THSD7B: variants seen among roughly 807,000 people sequenced by gnomAD.
The protein encoded by THSD7B is thrombospondin type-1 domain-containing protein 7B.
THSD7B carries 138 observed loss-of-function variants against 213.6 expected under a neutral mutation model. The observed-to-expected ratio is 0.65, with a 90% CI of 0.56 to 0.74. The LOEUF (loss-of-function observed/expected upper bound fraction) is 0.74, where lower values mean the gene tolerates loss of function less well. THSD7B is among the 30% of genes least tolerant of loss of function. The pLI is 0.00. For synonymous variants in THSD7B, 742 were observed against 687.0 expected (o/e 1.08, Z -1.25); for missense variants, 1,931 against 1,991.5 (o/e 0.97, Z 0.58).
At chr2:137,646,073 G>C (rs943504385) in intron 21 of THSD7B, among the ~76,000 whole-genome samples, 6 of 152,086 alleles carry the variant, frequency 3.9e-5, no homozygotes, top group Non-Finnish European at 7.4e-5. Context: ...GAAATTATTA[G>C]AGCAATTATG....
At chr2:136,771,606 A>G (rs1681506721) in intron 1 of THSD7B, among the ~76,000 whole-genome samples, 1 of 152,138 alleles carries the variant, frequency 6.6e-6, no homozygotes, top group Non-Finnish European at 1.5e-5. Context: ...CTATTAGTCA[A>G]AATCCAGTTC....
At position 137,623,089 on chromosome 2, in the gene THSD7B, G is replaced by T. The variant is rs551464060; in HGVS notation, c.3799+2363G>T. Among the ~76,000 whole-genome samples the T allele has an allele frequency of 7.2e-5, 11 of 152,258 alleles. No homozygotes were observed. In the South Asian group the frequency reaches 2.1e-3, roughly 29 times the overall value. ...ATGCAAAAATCCTCAATAAAATACT[G>T]GCAAACCGAATCCAGCAGCACATCA... On this transcript the variant is annotated intron_variant, in intron 20 of 27. Transcript: ENST00000409968.
At chr2:137,376,814 C>G (rs1685667440) in intron 12 of THSD7B, among the ~76,000 whole-genome samples, 1 of 152,124 alleles carries the variant, frequency 6.6e-6, no homozygotes, top group Admixed American at 6.6e-5. Flanking sequence ...GCATAAAACA[C>G]AGAATTCTGA....
chr2:137,071,216 T>G (rs920145729), intron 3 of THSD7B, among the ~76,000 whole-genome samples: 6 of 152,166 alleles, frequency 3.9e-5, no homozygotes, highest in Non-Finnish European at 7.4e-5. Context: ...ACATCCTCTC[T>G]AGCACCTATG....
intron 15 of THSD7B, among the ~76,000 whole-genome samples, chr2:137,518,990 G>C (rs535953980): frequency 6.6e-6 from 1 of 152,210 alleles, no homozygotes; most frequent in Non-Finnish European, 1.5e-5. Flanking sequence ...GCTCACGCCT[G>C]TAATCCCAGC....
intron 3 of THSD7B, among the ~76,000 whole-genome samples, chr2:137,087,533 AG>A (rs1687862739): frequency 6.6e-6 from 1 of 152,230 alleles, no homozygotes; most frequent in Non-Finnish European, 1.5e-5. Context: ...AATCAAATCA[AG>A]AACTGAACTC....
intron 1 of THSD7B, among the ~76,000 whole-genome samples, chr2:136,781,213 T>C (rs928382123): frequency 6.6e-6 from 1 of 151,922 alleles, no homozygotes; most frequent in African/African-American, 2.4e-5. Flanking sequence ...CAAATTAATT[T>C]GTATTTTATC....
chr2:137,569,321 A>T (rs956985708), intron 16 of THSD7B, among the ~76,000 whole-genome samples: 8 of 152,202 alleles, frequency 5.3e-5, no homozygotes, highest in African/African-American at 1.9e-4. Flanking sequence ...TTAAGCCACT[A>T]ACTTTGTGGT....
At position 137,232,925 on chromosome 2, in the gene THSD7B, G is replaced by A; in HGVS notation, c.1942G>A (p.Ala648Thr). The A allele has an allele frequency of 6.2e-7, 1 of 1,613,898 alleles. No homozygotes were observed. The highest frequency in any genetic ancestry group is 2.2e-5 in the East Asian group (1 of 44,872). Residue 648 changes from alanine to threonine, a missense_variant, in exon 9 of 28, where the codon GCT becomes ACT. Physicochemically the swap from Ala to Thr is moderately conservative, Grantham distance 58. Transcript: ENST00000409968. Reference protein sequence around the residue: ...EGGKPCPPSQALQEHRLCNDH... With the variant: ...EGGKPCPPSQTLQEHRLCNDH... The stretch of plus-strand genomic sequence containing the variant: ...TGGAAAGCCATGTCCCCCTAGTCAG[G>A]CTCTCCAAGAGCATCGTTTGTGTAA...
chr2:136,879,594 G>A (rs920927653), intron 1 of THSD7B, among the ~76,000 whole-genome samples: 5 of 152,024 alleles, frequency 3.3e-5, no homozygotes, highest in Non-Finnish European at 5.9e-5. Context: ...TTATTTCGTT[G>A]AGCAGTGGTT....
intron 15 of THSD7B, among the ~76,000 whole-genome samples, chr2:137,461,659 C>G (rs1687888264): frequency 6.6e-6 from 1 of 152,094 alleles, no homozygotes; most frequent in Admixed American, 6.6e-5. Context: ...TGATAAGCCT[C>G]AAACATTTTC....
chr2:137,291,883 G>A (rs916056056), intron 12 of THSD7B, among the ~76,000 whole-genome samples: 2 of 152,110 alleles, frequency 1.3e-5, no homozygotes, highest in African/African-American at 4.8e-5. Flanking sequence ...TCCCTTAACT[G>A]TAGCAGAGTG....
chr2:137,198,752 T>C (rs1680817234), intron 7 of THSD7B, among the ~76,000 whole-genome samples: 1 of 152,212 alleles, frequency 6.6e-6, no homozygotes, highest in African/African-American at 2.4e-5. Flanking sequence ...TATCTCTGAA[T>C]ACAAACTTTT....
At chr2:137,214,231 T>C (rs945360528) in intron 7 of THSD7B, among the ~76,000 whole-genome samples, 2 of 152,172 alleles carry the variant, frequency 1.3e-5, no homozygotes, top group African/African-American at 2.4e-5. Context: ...TGCCTATTTA[T>C]GTACTTATAC....
At chr2:137,480,119 T>C (rs1688273261) in intron 15 of THSD7B, among the ~76,000 whole-genome samples, 1 of 152,186 alleles carries the variant, frequency 6.6e-6, no homozygotes, top group Non-Finnish European at 1.5e-5. Context: ...TTTCTGTCAT[T>C]TCTCTCTTGA....
chr2:137,260,599 C>T lies in THSD7B; in HGVS notation c.2267-11934C>T, dbSNP rs181405669. Among the ~76,000 whole-genome samples the T allele has an allele frequency of 2.0e-5, 3 of 152,112 alleles. No homozygotes were observed. The East Asian group carries it at 5.8e-4, about 29-fold the overall frequency. ...ACGACAAAGGACAACCTTGTCTCTA[C>T]AAAAAACAAACAATAATAAGGCAGG... On this transcript the variant is annotated intron_variant, in intron 10 of 27. Transcript: ENST00000409968.
intron 2 of THSD7B, among the ~76,000 whole-genome samples, chr2:137,038,965 T>G (rs143632847): frequency 3.9e-5 from 6 of 152,304 alleles, no homozygotes; most frequent in African/African-American, 1.4e-4. Flanking sequence ...CTGAGCAAGA[T>G]AAAGTGGAAT....
intron 1 of THSD7B, among the ~76,000 whole-genome samples, chr2:136,862,551 C>T (rs1256694932): frequency 1.3e-5 from 2 of 152,106 alleles, no homozygotes; most frequent in Non-Finnish European, 2.9e-5. Flanking sequence ...CTGGGGAGCT[C>T]GCAGTCGAAT....
intron 12 of THSD7B, among the ~76,000 whole-genome samples, chr2:137,294,122 G>T (rs1436136379): frequency 6.6e-6 from 1 of 151,910 alleles, no homozygotes; most frequent in Non-Finnish European, 1.5e-5. Context: ...CTTTTTAAGT[G>T]CTAACTTGTA....
Sources: gnomAD v4.1 joint callset for allele counts (sites outside exome capture counted in the v4.1 genomes callset) on GRCh38, gnomAD v4.1.1 for gene constraint, MANE v1.5 for transcripts, NCBI Gene and HGNC (gene_info 2026-07-23, HGNC 2026-07-21) for gene names.